The following UNC50 variants were observed in gnomAD, a reference collection of about 807,000 sequenced individuals.
UNC50 encodes the protein unc-50 inner nuclear membrane RNA binding protein, also known as protein unc-50 homolog.
UNC50 carries 24 observed loss-of-function variants against 31.5 expected under a neutral mutation model. The observed-to-expected ratio is 0.76, with a 90% CI of 0.55 to 1.07. The LOEUF (loss-of-function observed/expected upper bound fraction) is 1.07, where lower values mean the gene tolerates loss of function less well. Ranked by LOEUF, UNC50 falls within the 50% of genes least tolerant of loss-of-function variation. The pLI is 0.00. For synonymous variants in UNC50, 118 were observed against 114.7 expected, an observed-to-expected ratio of 1.03 and a Z score of -0.18; for missense variants, 245 against 304.2, an observed-to-expected ratio of 0.81 and a Z score of 1.45.
chr2:98,618,285 A>ATAAG lies in UNC50; in HGVS notation c.764_767dup (p.Tyr256Ter), dbSNP rs763409055. The ATAAG allele has an allele frequency of 3.9e-5, 62 of 1,605,450 alleles. No homozygotes were observed. Among genetic ancestry groups the ATAAG allele is most frequent in the Admixed American group, 1.2e-4 (7 of 57,428 alleles). On this transcript the variant is annotated frameshift_variant, in exon 6 of 6. Coordinates refer to ENST00000357765, the MANE Select transcript of UNC50 (RefSeq NM_014044.7). LOFTEE classifies it high-confidence loss of function. ...TTCACCCATACTCTCTGTTCTTTCT[A>ATAAG]TAAGTACAGAGTGAAATAAAAAGTG...
At position 98,616,537 on chromosome 2, in the gene UNC50, A is replaced by G. The variant is rs1252268500; in HGVS notation, c.643+4A>G. ...GTAACTTTCCTGGGATACAGTGGTA[A>G]GTAATTTTTTTAAATGTTTTTGGTT... On this transcript the variant is annotated splice_donor_region_variant and intron_variant, in intron 5 of 5. Transcript: ENST00000357765. 3.1e-6 allele frequency: 5 copies of G among 1,609,794 alleles called. No homozygotes were observed. The highest frequency in any genetic ancestry group is 2.5e-6 in the Non-Finnish European group (3 of 1,176,936).
At chr2:98,610,995 G>C in intron 3 of UNC50, 100 bp downstream of exon 3, 1 of 1,374,730 alleles carries the variant, frequency 7.3e-7, no homozygotes. Flanking sequence ...AACCCAGGTA[G>C]AGTTACTAAA....
At chr2:98,618,142 TCAG>T (rs1416190753) in intron 5 of UNC50, 23 bp from the exon 6 acceptor site, 1 of 1,430,284 alleles carries the variant, frequency 7.0e-7, no homozygotes, top group Non-Finnish European at 9.3e-7. Flanking sequence ...TTTTTTTAAA[TCAG>T]TTTGGATTCC....
Position 98,608,659 on chromosome 2 carries a change from GGGGTCGGCTGCTGGGA to G in UNC50, c.-69_-54del. ...AAGGGAAGCCCGCCCGGTGGCGGCT[GGGGTCGGCTGCTGGGA>G]GGAGGTGGTGGGCTGGTTCGGACGT... On this transcript the variant is annotated 5_prime_UTR_variant, in exon 1 of 6. Coordinates refer to ENST00000357765, the MANE Select transcript of UNC50 (RefSeq NM_014044.7). 1.8e-6 allele frequency: 1 copy of G among 546,602 alleles called. No homozygotes were observed. The highest frequency in any genetic ancestry group is 3.2e-5 in the East Asian group (1 of 31,272). 33.9% of individuals were successfully genotyped at this position (546,602 alleles called of 1,614,324 possible). A position where few individuals can be genotyped will look rare whatever the true frequency, so the allele number is the denominator to read the frequency against.
At chr2:98,617,484 A>C (rs1700947076) in intron 5 of UNC50, among the ~76,000 whole-genome samples, 2 of 152,162 alleles carry the variant, frequency 1.3e-5, no homozygotes, top group African/African-American at 4.8e-5. Context: ...GGTTTCTCTA[A>C]GTGGTTATTT....
At chr2:98,609,280 C>A (rs1268972278) in intron 1 of UNC50, 2 of 161,158 alleles carry the variant, frequency 1.2e-5, no homozygotes, top group African/African-American at 2.4e-5. Flanking sequence ...TTCTAGTGAC[C>A]GAGAAGCTTG....
At position 98,610,011 on chromosome 2, in the gene UNC50, C is replaced by T; in HGVS notation, c.252C>T (p.Phe84=). 1 of 1,614,060 alleles carries T rather than the reference C, an allele frequency of 6.2e-7. No individual in the cohort carries two copies. Among genetic ancestry groups the T allele is most frequent in the Non-Finnish European group, 8.5e-7 (1 of 1,179,926 alleles). The part of the protein sequence containing the change: ...KDQWARDDPA[F]LVLLSIWLCV... ...AGTGGGCCAGAGATGACCCTGCTTT[C>T]TTGGTCCTGTTAAGTATCTGGCTCT... The change falls in exon 2 of 6, where the codon TTC becomes TTT. Residue 84 remains phenylalanine (F), a synonymous_variant. Transcript: ENST00000357765.
Position 98,617,439 on chromosome 2 carries a change from G to GAA in UNC50, c.644-727_644-726dup, listed in dbSNP as rs1211606022. On this transcript the variant is annotated intron_variant, in intron 5 of 5. Transcript: ENST00000357765. ...GTTTGTGTCATTTCTAATGAATTTT[G>GAA]AAAGTGTTTTGTGATGAGAACACTG... Among the ~76,000 whole-genome samples, 8 of 152,274 alleles carry GAA rather than the reference G, an allele frequency of 5.3e-5. No homozygotes were observed. In the East Asian group the frequency reaches 1.5e-3, roughly 29 times the overall value.
At chr2:98,617,360 C>T (rs1471889443) in intron 5 of UNC50, among the ~76,000 whole-genome samples, 1 of 152,170 alleles carries the variant, frequency 6.6e-6, no homozygotes, top group Non-Finnish European at 1.5e-5. Context: ...GAACACTTAA[C>T]CCCTTCATTG....
At chr2:98,610,963 A>T in intron 3 of UNC50, 68 bp downstream of exon 3, 2 of 1,511,886 alleles carry the variant, frequency 1.3e-6, no homozygotes, top group Non-Finnish European at 1.8e-6. Flanking sequence ...TCAGAGGTAC[A>T]ATAGCAGCAG....
chr2:98,613,144 C>T (rs188039479), intron 3 of UNC50, among the ~76,000 whole-genome samples: 1 of 152,290 alleles, frequency 6.6e-6, no homozygotes, highest in East Asian at 1.9e-4. Context: ...TGCTAGTTAG[C>T]CAATAAATGC....
At position 98,608,986 on chromosome 2, in the gene UNC50, C is replaced by T. The variant is rs148409193; in HGVS notation, c.-5+260C>T. The stretch of plus-strand genomic sequence containing the variant: ...AGGCATACTAAAACCTTATTCGTGG[C>T]CTGTCTGAAATCCAAATGGAGCTGG... On this transcript the variant is annotated intron_variant, in intron 1 of 5. Transcript: ENST00000357765. 4.4e-3 allele frequency: 723 copies of T among 163,810 alleles called. 7 individuals are homozygous for T. Among genetic ancestry groups the T allele is most frequent in the African/African-American group, 0.017 (692 of 41,608 alleles). 10.1% of individuals were successfully genotyped at this position (163,810 alleles called of 1,614,324 possible).
intron 4 of UNC50, 21 bp from the exon 5 acceptor site, chr2:98,616,411 G>A (rs1700921659): frequency 1.9e-6 from 3 of 1,613,376 alleles, no homozygotes; most frequent in African/African-American, 1.3e-5. Flanking sequence ...AGGGACTCAT[G>A]GTCTGCGTCT....
rs112680981 is a variant in UNC50, at chr2:98,614,897, C to T, written c.402-1310C>T. On this transcript the variant is annotated intron_variant, in intron 3 of 5. Transcript: ENST00000357765. ...TATTTTCCATTTTTATCCCCAGTGA[C>T]GGAATAGCGTATTCTTAATTGTACC... Among the ~76,000 whole-genome samples, 779 of 152,066 alleles carry T rather than the reference C, an allele frequency of 5.1e-3. 10 individuals are homozygous for T. The highest frequency in any genetic ancestry group is 0.018 in the African/African-American group (744 of 41,456).
chr2:98,616,227 T>A lies in UNC50; in HGVS notation c.422T>A (p.Leu141Ter). 2 of 1,612,644 alleles carry A rather than the reference T, an allele frequency of 1.2e-6. No individual in the cohort carries two copies. Among genetic ancestry groups the A allele is most frequent in the Non-Finnish European group, 1.7e-6 (2 of 1,179,592 alleles). The change falls in exon 4 of 6, where the codon TTA becomes TAA. Residue 141 changes from leucine (L) to a stop codon, truncating the protein, a stop_gained. Coordinates refer to ENST00000357765, the MANE Select transcript of UNC50 (RefSeq NM_014044.7). LOFTEE classifies it high-confidence loss of function. ...TLMWFISNKYLVKRQSRDYDV... is the reference protein window; with the variant it reads ...TLMWFISNKY ...CTTAGGTTCATCTCTAACAAGTATT[T>A]AGTGAAACGACAGAGCAGAGACTAT...
At chr2:98,615,794 G>A (rs777842479) in intron 3 of UNC50, among the ~76,000 whole-genome samples, 14 of 152,318 alleles carry the variant, frequency 9.2e-5, no homozygotes, top group Non-Finnish European at 2.1e-4. Flanking sequence ...CACAGGCTTC[G>A]TAAGACATGG....
rs777303395 is a variant in UNC50, at chr2:98,616,493, A to T, written c.603A>T (p.Ala201=). The T allele has an allele frequency of 1.2e-6, 2 of 1,613,960 alleles. No individual in the cohort carries two copies. The highest frequency in any genetic ancestry group is 4.5e-5 in the East Asian group (2 of 44,874). Reference sequence around the variant, plus strand: ...TTGGAAATACCTTATGGTTGGTTGCAGTTGGCTATTATATCTATGTAACTT... The same window carrying T: ...TTGGAAATACCTTATGGTTGGTTGCTGTTGGCTATTATATCTATGTAACTT... ...YLVGNTLWLV[A]VGYYIYVTFL... The change falls in exon 5 of 6, where the codon GCA becomes GCT. Residue 201 remains alanine (A), a synonymous_variant. Transcript: ENST00000357765.
At chr2:98,608,762 C>T (rs1022545235) in intron 1 of UNC50, 36 bp downstream of exon 1, 4 of 317,046 alleles carry the variant, frequency 1.3e-5, no homozygotes, top group Non-Finnish European at 2.4e-5. Context: ...TCCCGCGGCC[C>T]GGGCTCGCGC....
intron 1 of UNC50, chr2:98,609,396 C>G (rs1700779057): frequency 3.0e-6 from 1 of 332,118 alleles, no homozygotes; most frequent in Admixed American, 4.5e-5. Context: ...TTCTTAAAAG[C>G]TTGGTGGTTA....
Sources: gnomAD v4.1 joint callset for allele counts (sites outside exome capture counted in the v4.1 genomes callset) on GRCh38, gnomAD v4.1.1 for gene constraint, MANE v1.5 for transcripts, NCBI Gene and HGNC (gene_info 2026-07-23, HGNC 2026-07-21) for gene names.